Variants in BCL6 observed in about 807,000 individuals in gnomAD.
BCL6 encodes BCL6 transcription repressor.
A neutral mutation model predicts 59.5 loss-of-function variants in BCL6; 7 were observed. That is an observed-to-expected ratio of 0.12 (90% CI 0.07 to 0.22). The LOEUF (loss-of-function observed/expected upper bound fraction) is 0.22, where lower values mean the gene tolerates loss of function less well. BCL6 is among the 10% of genes least tolerant of loss of function. BCL6 has a pLI of 1.00. For missense variants in BCL6, 685 were observed against 939.4 expected, an observed-to-expected ratio of 0.73 and a Z score of 3.54; for synonymous variants, 339 against 349.7, an observed-to-expected ratio of 0.97 and a Z score of 0.34.
At chr3:187,744,570 A>T (rs530031958) in intron 1 of BCL6, among the ~76,000 whole-genome samples, 2 of 152,212 alleles carry the variant, frequency 1.3e-5, no homozygotes, top group South Asian at 2.1e-4. Context: ...ATCTGGATTT[A>T]TGACCAAAAA....
At chr3:187,731,629 T>A in intron 4 of BCL6, 80 bp downstream of exon 4, 2 of 1,377,806 alleles carry the variant, frequency 1.5e-6, no homozygotes, top group Non-Finnish European at 2.0e-6. Context: ...GTATTTTTTC[T>A]GTATGCATGA....
At position 187,729,861 on chromosome 3, in the gene BCL6, G is replaced by A; in HGVS notation, c.544C>T (p.Pro182Ser). ...APGCESRAFA[P>S]SLYSGLSTPP... ...GTGGACAGGCCACTGTACAGGCTGG[G>A]GGCAAAGGCTCTGCTCTCACACCCA... Residue 182 changes from proline (P) to serine (S), a missense_variant, in exon 5 of 10, where the codon CCC (proline) becomes TCC (serine). This residue lies in a region of BCL6 where 268 missense variants were observed against 263.8 expected (regional missense o/e 1.02). Coordinates refer to ENST00000406870, the MANE Select transcript of BCL6 (RefSeq NM_001706.5). The surrounding 1 kb of genome is among the most constrained non-coding windows in gnomAD (Gnocchi z 5.6). 6 of 1,614,114 alleles carry A rather than the reference G, an allele frequency of 3.7e-6. No individual in the cohort carries two copies. The highest frequency in any genetic ancestry group is 5.1e-6 in the Non-Finnish European group (6 of 1,180,016).
rs1289995915 is a variant in BCL6 at position 187,725,271 on chromosome 3, C to A, written c.1840-193G>T. The stretch of plus-strand genomic sequence containing the variant: ...CTCCTCTGCTCACCTGCCCACTCTG[C>A]TCACCTACCCGCTCTGCTCACCTGC... On this transcript the variant is annotated intron_variant, in intron 8 of 9. Coordinates refer to ENST00000406870, the MANE Select transcript of BCL6 (RefSeq NM_001706.5). The surrounding 1 kb of genome is among the most constrained non-coding windows in gnomAD (Gnocchi z 4.7). Among the ~76,000 whole-genome samples, 2 of 151,470 alleles carry A rather than the reference C, an allele frequency of 1.3e-5. No homozygotes were observed. The highest frequency in any genetic ancestry group is 3.0e-5 in the Non-Finnish European group (2 of 67,778).
rs1326476307 is a variant in BCL6, at chr3:187,733,888, A to G, written c.-10-185T>C. The G allele has an allele frequency of 1.1e-5, 7 of 629,110 alleles. No homozygotes were observed. The African/African-American group carries it at 1.3e-4, about 12-fold the overall frequency. 39.0% of individuals were successfully genotyped at this position (629,110 alleles called of 1,614,324 possible). On this transcript the variant is annotated intron_variant, in intron 2 of 9. Coordinates refer to ENST00000406870, the MANE Select transcript of BCL6 (RefSeq NM_001706.5). ...TCTTCATAGTTTTAAAATGGGGAGA[A>G]TAACTTTTATCCAACAAGTTGGGAT...
At chr3:187,744,003 G>A (rs959057124) in intron 1 of BCL6, among the ~76,000 whole-genome samples, 2 of 152,270 alleles carry the variant, frequency 1.3e-5, no homozygotes, top group African/African-American at 2.4e-5. Flanking sequence ...TGCACATAAG[G>A]AACGCGGGCT....
In BCL6 at chr3:187,722,483, G is replaced by A; in HGVS notation, c.2096C>T (p.Pro699Leu). The A allele has an allele frequency of 6.2e-7, 1 of 1,613,508 alleles. No homozygotes were observed. The highest frequency in any genetic ancestry group is 8.5e-7 in the Non-Finnish European group (1 of 1,179,952). Residue 699 changes from proline to leucine, a missense_variant, in exon 10 of 10, where the codon CCT becomes CTT. By Grantham distance (98) the Pro-to-Leu change is moderately conservative. Coordinates refer to ENST00000406870, the MANE Select transcript of BCL6 (RefSeq NM_001706.5). Reference protein sequence around the residue: ...VQYRVSATDLPPELPKAC With the variant: ...VQYRVSATDLLPELPKAC Reference sequence around the variant, plus strand: ...TCAGCAGGCTTTGGGGAGCTCCGGAGGCAGGTCAGTGGCTGACACGCGGTA... The same window carrying A: ...TCAGCAGGCTTTGGGGAGCTCCGGAAGCAGGTCAGTGGCTGACACGCGGTA...
intron 9 of BCL6, among the ~76,000 whole-genome samples, chr3:187,723,534 G>A (rs1217043991): frequency 6.6e-6 from 1 of 152,210 alleles, no homozygotes; most frequent in East Asian, 1.9e-4. Flanking sequence ...GCGGGTAGGA[G>A]CCCTCAGTAC....
chr3:187,744,547 G>A (rs576040985), intron 1 of BCL6, among the ~76,000 whole-genome samples: 1 of 152,246 alleles, frequency 6.6e-6, no homozygotes, highest in African/African-American at 2.4e-5. Context: ...TAGTAGACAC[G>A]ATACTTCATC....
At chr3:187,723,620 T>C (rs1718528860) in intron 9 of BCL6, among the ~76,000 whole-genome samples, 2 of 152,206 alleles carry the variant, frequency 1.3e-5, no homozygotes, top group African/African-American at 4.8e-5. Context: ...AGATAGAGTA[T>C]ATGTTTTCAA....
intron 1 of BCL6, among the ~76,000 whole-genome samples, chr3:187,738,955 G>A (rs1711504046): frequency 6.6e-6 from 1 of 152,270 alleles, no homozygotes; most frequent in African/African-American, 2.4e-5. Context: ...CCGTGGTTCC[G>A]GGAGCTCAAA....
chr3:187,742,317 AC>A (rs1711636823), intron 1 of BCL6, among the ~76,000 whole-genome samples: 1 of 152,204 alleles, frequency 6.6e-6, no homozygotes, highest in Non-Finnish European at 1.5e-5. Context: ...AGCCGTGGCT[AC>A]CATTTACTCA....
intron 1 of BCL6, among the ~76,000 whole-genome samples, chr3:187,745,170 G>T (rs1380618655): frequency 6.6e-6 from 1 of 152,106 alleles, no homozygotes; most frequent in African/African-American, 2.4e-5. Context: ...TGGGAGAGAC[G>T]TGGGACTAAT....
In BCL6 at chr3:187,744,254, G is replaced by T. The variant is rs1711760848; in HGVS notation, c.-50+1156C>A. On this transcript the variant is annotated intron_variant, in intron 1 of 9. Coordinates refer to ENST00000406870, the MANE Select transcript of BCL6 (RefSeq NM_001706.5). ...GCCACCTTTCTCGTTCTCCCAGGCT[G>T]TCCTGTCGAGGTTCCCTGAGTCCCC... is the stretch of plus-strand genomic sequence containing the variant. Among the ~76,000 whole-genome samples the T allele has an allele frequency of 2.0e-5, 3 of 152,264 alleles. No homozygotes were observed. The South Asian group carries it at 6.2e-4, about 32-fold the overall frequency.
intron 2 of BCL6, chr3:187,734,600 T>G (rs1719202204): frequency 6.6e-6 from 1 of 152,262 alleles, no homozygotes; most frequent in Non-Finnish European, 1.5e-5. Flanking sequence ...TGCTTGACTT[T>G]TGTACCTCGA....
At chr3:187,740,034 G>A (rs965413095) in intron 1 of BCL6, among the ~76,000 whole-genome samples, 26 of 152,184 alleles carry the variant, frequency 1.7e-4, no homozygotes, top group Admixed American at 1.6e-3. Flanking sequence ...CAGTGGGAGG[G>A]GCCGAACTCG....
At chr3:187,733,016 T>C (rs1387005522) in intron 3 of BCL6, among the ~76,000 whole-genome samples, 1 of 152,170 alleles carries the variant, frequency 6.6e-6, no homozygotes, top group Non-Finnish European at 1.5e-5. Context: ...TATCATGTAA[T>C]ATAAAATTGC....
intron 1 of BCL6, among the ~76,000 whole-genome samples, chr3:187,740,038 G>GA (rs1463059116): frequency 6.6e-5 from 10 of 152,248 alleles, no homozygotes; most frequent in African/African-American, 2.4e-4. Flanking sequence ...GGGAGGGGCC[G>GA]AACTCGATCC....
intron 6 of BCL6, 63 bp from the exon 7 acceptor site, chr3:187,726,961 C>T: frequency 6.4e-7 from 1 of 1,565,642 alleles, no homozygotes; most frequent in Middle Eastern, 1.7e-4. Context: ...GGCTCTAAGG[C>T]CGCTCTCCTC....
At chr3:187,740,817 T>C (rs1711561087) in intron 1 of BCL6, among the ~76,000 whole-genome samples, 1 of 152,216 alleles carries the variant, frequency 6.6e-6, no homozygotes, top group African/African-American at 2.4e-5. Flanking sequence ...ATTTGTGGTT[T>C]TTCTTAGTGC....
Sources: gnomAD v4.1 joint callset for allele counts (sites outside exome capture counted in the v4.1 genomes callset) on GRCh38, gnomAD v4.1.1 for gene constraint, gnomAD v4.1.1 regional missense constraint, Gnocchi (gnomAD v3.1) non-coding constraint, MANE v1.5 for transcripts, NCBI Gene and HGNC (gene_info 2026-07-23, HGNC 2026-07-21) for gene names.